The following PTPRN2 variants were observed in gnomAD, a reference collection of about 807,000 sequenced individuals.
The protein encoded by PTPRN2 is receptor-type tyrosine-protein phosphatase N2.
A neutral mutation model predicts 118.8 loss-of-function variants in PTPRN2; 74 were observed. The observed-to-expected ratio is 0.62, with a 90% CI of 0.52 to 0.76. PTPRN2 has a LOEUF of 0.76. Ranked by LOEUF, PTPRN2 falls within the 30% of genes least tolerant of loss-of-function variation. PTPRN2 has a pLI of 0.00. For synonymous variants in PTPRN2, 641 were observed against 608.0 expected (o/e 1.05, Z -0.80); for missense variants, 1,481 against 1,394.4 (o/e 1.06, Z -0.99).
chr7:158,457,606 C>A (rs58483520), intron 2 of PTPRN2, among the ~76,000 whole-genome samples: 7,952 of 47,704 alleles, frequency 0.17, 802 homozygotes, highest in Non-Finnish European at 0.18. Context: ...GCCTGCGGGA[C>A]CACAGCGGAT....
At chr7:158,402,243 A>G (rs1563066) in intron 2 of PTPRN2, among the ~76,000 whole-genome samples, 1 of 151,936 alleles carries the variant, frequency 6.6e-6, no homozygotes, top group Non-Finnish European at 1.5e-5. Context: ...ACCAGGGTAT[A>G]CAGGTGCTGA....
At chr7:158,497,624 A>G (rs1202681151) in intron 1 of PTPRN2, among the ~76,000 whole-genome samples, 1 of 152,216 alleles carries the variant, frequency 6.6e-6, no homozygotes, top group Non-Finnish European at 1.5e-5. Flanking sequence ...TGGGTGCCCC[A>G]TCCTGAGGAC....
chr7:158,428,579 T>C (rs2129427604), intron 2 of PTPRN2, among the ~76,000 whole-genome samples: 1 of 152,358 alleles, frequency 6.6e-6, no homozygotes, highest in African/African-American at 2.4e-5. Context: ...TTTTCTTATG[T>C]TCTTAAGAAA....
intron 2 of PTPRN2, among the ~76,000 whole-genome samples, chr7:158,417,838 A>G (rs12540788): frequency 0.42 from 38,318 of 92,144 alleles, 8,821 homozygotes; most frequent in Non-Finnish European, 0.46. Context: ...GTTAAGTCAC[A>G]GTGTACTACA....
intron 17 of PTPRN2, among the ~76,000 whole-genome samples, chr7:157,584,331 C>T (rs754445144): frequency 6.6e-6 from 1 of 152,138 alleles, no homozygotes; most frequent in Non-Finnish European, 1.5e-5. Flanking sequence ...TTAAAGACTC[C>T]ATCCTAGTCC....
At chr7:158,264,996 T>C (rs1797777548) in intron 3 of PTPRN2, among the ~76,000 whole-genome samples, 1 of 151,938 alleles carries the variant, frequency 6.6e-6, no homozygotes, top group Admixed American at 6.6e-5. Context: ...ACAACAGCCC[T>C]CCTGGCCATG....
chr7:157,626,487 G>A (rs1457712838), intron 14 of PTPRN2, among the ~76,000 whole-genome samples: 4 of 152,226 alleles, frequency 2.6e-5, no homozygotes, highest in South Asian at 2.1e-4. Context: ...TCCTCCAGGA[G>A]TCCGGTCAGG....
chr7:158,034,584 C>T (rs893227334), intron 11 of PTPRN2, among the ~76,000 whole-genome samples: 1 of 152,170 alleles, frequency 6.6e-6, no homozygotes, highest in Non-Finnish European at 1.5e-5. Context: ...ACTGTAAGTC[C>T]ATTAAACCTC....
intron 2 of PTPRN2, among the ~76,000 whole-genome samples, chr7:158,423,307 G>A (rs1026885812): frequency 6.6e-6 from 1 of 152,324 alleles, no homozygotes; most frequent in Non-Finnish European, 1.5e-5. Flanking sequence ...TGGATTTGGG[G>A]GGCTTCCCTC....
At chr7:158,010,410 A>G (rs1805957505) in intron 11 of PTPRN2, among the ~76,000 whole-genome samples, 1 of 152,248 alleles carries the variant, frequency 6.6e-6, no homozygotes, top group Admixed American at 6.5e-5. Context: ...AGTGGGGTAC[A>G]CACTACATCA....
At chr7:158,012,545 C>T (rs1806127092) in intron 11 of PTPRN2, among the ~76,000 whole-genome samples, 2 of 152,214 alleles carry the variant, frequency 1.3e-5, no homozygotes, top group Admixed American at 1.3e-4. Context: ...TGGGCAGTGG[C>T]CCTGGACTGC....
intron 12 of PTPRN2, among the ~76,000 whole-genome samples, chr7:157,759,273 C>T (rs575612658): frequency 3.9e-5 from 6 of 152,344 alleles, no homozygotes; most frequent in African/African-American, 4.8e-5. Flanking sequence ...AATGCAGCAC[C>T]GTGTCCACCA....
intron 3 of PTPRN2, among the ~76,000 whole-genome samples, chr7:158,284,647 C>T (rs1161734748): frequency 2.0e-5 from 3 of 152,110 alleles, no homozygotes; most frequent in South Asian, 2.1e-4. Context: ...CATAGTTTGG[C>T]GTACGGACTC....
intron 2 of PTPRN2, among the ~76,000 whole-genome samples, chr7:158,376,392 G>A (rs1223000305): frequency 2.0e-5 from 3 of 150,510 alleles, no homozygotes; most frequent in African/African-American, 7.3e-5. Context: ...TGCGAGGGGG[G>A]GTCAGGGGAC....
chr7:157,973,677 T>C (rs1345713933), intron 11 of PTPRN2, among the ~76,000 whole-genome samples: 1 of 152,210 alleles, frequency 6.6e-6, no homozygotes, highest in African/African-American at 2.4e-5. Context: ...AATTTTCAGG[T>C]AATGGCCAAG....
At chr7:158,154,804 G>C (rs1445118222) in intron 6 of PTPRN2, among the ~76,000 whole-genome samples, 1 of 152,130 alleles carries the variant, frequency 6.6e-6, no homozygotes, top group Non-Finnish European at 1.5e-5. Context: ...CAGCTTATGG[G>C]AGAACAGTTA....
At chr7:157,693,613 C>G (rs1243618494) in intron 12 of PTPRN2, among the ~76,000 whole-genome samples, 2 of 152,044 alleles carry the variant, frequency 1.3e-5, no homozygotes, top group African/African-American at 4.8e-5. Flanking sequence ...CTGCCCGGCC[C>G]GAGCGCCCGG....
chr7:157,780,668 C>T lies in PTPRN2; in HGVS notation c.1789-97731G>A, dbSNP rs941441575. 1.3e-5 allele frequency among the ~76,000 whole-genome samples: 2 copies of T among 152,192 alleles called. No individual in the cohort carries two copies. Among genetic ancestry groups the T allele is most frequent in the African/African-American group, 4.8e-5 (2 of 41,450 alleles). On this transcript the variant is annotated intron_variant, in intron 12 of 22. Coordinates refer to ENST00000389418, the MANE Select transcript of PTPRN2 (RefSeq NM_002847.5). The surrounding 1 kb of genome is among the most constrained non-coding windows in gnomAD (Gnocchi z 4.5). ...CCCTGTTTGCACAATGGGGCTTCACCCATTTCGCAGGGTGGTCACGGGTAT... is the reference window on the plus strand; with the variant it reads ...CCCTGTTTGCACAATGGGGCTTCACTCATTTCGCAGGGTGGTCACGGGTAT...
At chr7:157,856,850 G>A (rs1048857310) in intron 12 of PTPRN2, among the ~76,000 whole-genome samples, 3 of 152,234 alleles carry the variant, frequency 2.0e-5, no homozygotes, top group Admixed American at 2.0e-4. Context: ...GACCTGTTAA[G>A]TATTGCTTAG....
Sources: allele counts gnomAD v4.1 joint callset (sites outside exome capture counted in the v4.1 genomes callset), GRCh38; gene constraint gnomAD v4.1.1; non-coding constraint Gnocchi (gnomAD v3.1); transcripts MANE v1.5; gene names NCBI Gene and HGNC (gene_info 2026-07-23, HGNC 2026-07-21).